Variants in KLHL13 observed in about 807,000 individuals in gnomAD.
The protein encoded by KLHL13 is kelch-like protein 13.
Under a neutral mutation model 37.1 loss-of-function variants are expected in KLHL13, and 10 were observed. The observed-to-expected ratio is 0.27, with a 90% CI of 0.17 to 0.46. The LOEUF (loss-of-function observed/expected upper bound fraction) is 0.46, where lower values mean the gene tolerates loss of function less well. Ranked by LOEUF, KLHL13 falls within the 20% of genes least tolerant of loss-of-function variation. The probability of loss-of-function intolerance (pLI) is 1.00; values close to 1 mark genes in which losing one functional copy is unlikely to be tolerated. For missense variants in KLHL13, 360 were observed against 509.3 expected, an observed-to-expected ratio of 0.71 and a Z score of 2.82; for synonymous variants, 163 against 181.2, an observed-to-expected ratio of 0.90 and a Z score of 0.81.
At chrX:118,020,112 T>C (rs959505550) in intron 1 of KLHL13, among the ~76,000 whole-genome samples, 2 of 110,290 alleles carry the variant, frequency 1.8e-5, no homozygotes, top group African/African-American at 6.6e-5. Context: ...ATATTGATTC[T>C]TCCTACCCAT....
intron 1 of KLHL13, among the ~76,000 whole-genome samples, chrX:117,966,408 G>T (rs1441881441): frequency 9.0e-6 from 1 of 110,948 alleles, no homozygotes; most frequent in Non-Finnish European, 1.9e-5. Context: ...GGAAATAAAA[G>T]AGGATACAAA....
At chrX:118,052,441 T>C (rs1333715477) in intron 1 of KLHL13, among the ~76,000 whole-genome samples, 1 of 102,203 alleles carries the variant, frequency 9.8e-6, no homozygotes, top group African/African-American at 3.6e-5. Context: ...GAGAATGGCA[T>C]GAATCTGGGA....
At chrX:118,048,854 T>A (rs764562434) in intron 1 of KLHL13, among the ~76,000 whole-genome samples, 3 of 111,898 alleles carry the variant, frequency 2.7e-5, no homozygotes, top group Non-Finnish European at 5.6e-5. Flanking sequence ...ATTGTAGTTT[T>A]GCCCTTAAAA....
chrX:117,987,453 G>A (rs2053741490), intron 1 of KLHL13, among the ~76,000 whole-genome samples: 1 of 111,187 alleles, frequency 9.0e-6, no homozygotes, highest in Non-Finnish European at 1.9e-5. Flanking sequence ...AGGATAAGAA[G>A]CTATCAGAGA....
chrX:118,089,498 C>T (rs908896753), intron 1 of KLHL13, among the ~76,000 whole-genome samples: 14 of 106,875 alleles, frequency 1.3e-4, no homozygotes, highest in African/African-American at 4.8e-4. Context: ...CCCTCCCTCC[C>T]CTGACACAGC....
rs140710543 is a variant in KLHL13 at position 118,006,010 on chromosome X, T to C, written c.-55-60435A>G. ...CTGGATGTAGATGTGTCATTAAATA[T>C]ATGTTTAAGGCCATATAATACATCA... On this transcript the variant is annotated intron_variant, in intron 1 of 6. Transcript: ENST00000371882. Among the ~76,000 whole-genome samples the C allele has an allele frequency of 1.4e-3, 159 of 112,097 alleles. 2 individuals are homozygous for C. Among genetic ancestry groups the C allele is most frequent in the African/African-American group, 5.0e-3 (155 of 30,890 alleles).
intron 2 of KLHL13, among the ~76,000 whole-genome samples, chrX:117,943,904 G>T (rs1933183619): frequency 1.8e-5 from 2 of 110,175 alleles, no homozygotes; most frequent in African/African-American, 6.6e-5. Flanking sequence ...GAGGAGAAGA[G>T]GTGTTCTGGT....
intron 1 of KLHL13, among the ~76,000 whole-genome samples, chrX:118,093,426 G>T (rs2055163282): frequency 8.9e-6 from 1 of 111,757 alleles, no homozygotes; most frequent in Non-Finnish European, 1.9e-5. Flanking sequence ...AGTAACACAA[G>T]TAGCAAATGA....
intron 1 of KLHL13, among the ~76,000 whole-genome samples, chrX:118,089,154 G>GATTCCCA (rs2055087848): frequency 5.4e-5 from 6 of 111,392 alleles, no homozygotes; most frequent in African/African-American, 2.0e-4. Flanking sequence ...GGCTTAGTGG[G>GATTCCCA]AATCCTAGAC....
In KLHL13 at chrX:117,903,135, A is replaced by AACAC. The variant is rs751986919; in HGVS notation, c.1367-1193_1367-1190dup. ...AAAAAAATAACATGGTGACAGGCAA[A>AACAC]ACACACACACACACACACACACAGA... On this transcript the variant is annotated intron_variant, in intron 5 of 6. Coordinates refer to ENST00000262820, the Ensembl canonical transcript of KLHL13. 3.1e-3 allele frequency among the ~76,000 whole-genome samples: 306 copies of AACAC among 99,806 alleles called. 1 individual carries two copies. Among genetic ancestry groups the AACAC allele is most frequent in the Non-Finnish European group, 5.2e-3 (256 of 49,645 alleles). The allele number at this position is 99,806 out of a possible 115,157, so 86.7% of individuals were successfully genotyped here. A position where few individuals can be genotyped will look rare whatever the true frequency, so the allele number is the denominator to read the frequency against.
chrX:117,924,337 A>G (rs752993663), intron 2 of KLHL13, among the ~76,000 whole-genome samples: 13 of 112,060 alleles, frequency 1.2e-4, no homozygotes, highest in Non-Finnish European at 2.3e-4. Context: ...TGCATACATT[A>G]AAAGAAAAAG....
intron 2 of KLHL13, among the ~76,000 whole-genome samples, chrX:117,935,698 G>A (rs1932742460): frequency 9.0e-6 from 1 of 110,733 alleles, no homozygotes; most frequent in Non-Finnish European, 1.9e-5. Context: ...TCACTATCAC[G>A]AGAACAGCAA....
chrX:118,076,430 C>A (rs1292312653), intron 1 of KLHL13, among the ~76,000 whole-genome samples: 1 of 111,280 alleles, frequency 9.0e-6, no homozygotes, highest in Non-Finnish European at 1.9e-5. Context: ...TTTAGTTAGA[C>A]CTTTCCAGGA....
chrX:118,028,664 T>C (rs766816355), intron 1 of KLHL13, among the ~76,000 whole-genome samples, 167 bp from the exon 2 acceptor site: 1 of 111,979 alleles, frequency 8.9e-6, no homozygotes. Context: ...AGAAATTGAA[T>C]CTTATTTAAA....
At chrX:118,052,869 T>C (rs1489611410) in intron 1 of KLHL13, among the ~76,000 whole-genome samples, 1 of 110,471 alleles carries the variant, frequency 9.1e-6, no homozygotes, top group East Asian at 2.8e-4. Context: ...GAGAATTTTT[T>C]AAAACAATTT....
At chrX:118,039,138 A>G (rs897039385) in intron 1 of KLHL13, among the ~76,000 whole-genome samples, 1 of 112,097 alleles carries the variant, frequency 8.9e-6, no homozygotes, top group African/African-American at 3.2e-5. Flanking sequence ...GGCCCTGAAA[A>G]ATCAGCAGTG....
intron 1 of KLHL13, among the ~76,000 whole-genome samples, chrX:118,108,882 C>T (rs1569319925): frequency 1.8e-5 from 2 of 111,655 alleles, no homozygotes; most frequent in African/African-American, 3.3e-5. Flanking sequence ...TTGTAGCCCA[C>T]GGCAACCTTG....
At chrX:117,971,747 AC>A (rs943217871) in intron 1 of KLHL13, among the ~76,000 whole-genome samples, 1 of 111,630 alleles carries the variant, frequency 9.0e-6, no homozygotes, top group Non-Finnish European at 1.9e-5. Context: ...CTCACATAAA[AC>A]AAAAACTAAG....
chrX:117,985,501 T>C, intron 1 of KLHL13: 1 of 303,960 alleles, frequency 3.3e-6, no homozygotes, highest in South Asian at 1.7e-4. Context: ...TAGGAAATTG[T>C]AGTCAGTGTA....
Sources: allele counts gnomAD v4.1 joint callset (sites outside exome capture counted in the v4.1 genomes callset), GRCh38; gene constraint gnomAD v4.1.1; transcripts MANE v1.5; gene names NCBI Gene and HGNC (gene_info 2026-07-23, HGNC 2026-07-21).